Variants in KDM4B observed in about 807,000 individuals in gnomAD.
The protein encoded by KDM4B is lysine demethylase 4B.
KDM4B carries 32 observed loss-of-function variants against 125.2 expected under a neutral mutation model. The observed-to-expected ratio is 0.26, with a 90% CI of 0.19 to 0.34. The LOEUF (loss-of-function observed/expected upper bound fraction) is 0.34, where lower values mean the gene tolerates loss of function less well. Among genes scored for constraint, KDM4B ranks in the 10% least tolerant of loss-of-function variants. KDM4B has a pLI of 1.00. For synonymous variants in KDM4B, 721 were observed against 677.9 expected (o/e 1.06, Z -0.99); for missense variants, 1,190 against 1,577.7 (o/e 0.75, Z 4.16).
At position 5,081,791 on chromosome 19, in the gene KDM4B, C is replaced by T. The variant is rs1319776364; in HGVS notation, c.781-576C>T. On this transcript the variant is annotated intron_variant, in intron 8 of 22. Coordinates refer to ENST00000159111, the MANE Select transcript of KDM4B (RefSeq NM_015015.3). This position sits in a 1 kb window ranked among gnomAD's most constrained non-coding sequence, Gnocchi z 4.2. ...CGGCGTGTCGCAGGCCCCTTCCTGG[C>T]GTGTTTTGCGCGTGCAGTGGTGGTT... Among the ~76,000 whole-genome samples the T allele has an allele frequency of 6.6e-6, 1 of 152,140 alleles. No homozygotes were observed. The highest frequency in any genetic ancestry group is 1.5e-5 in the Non-Finnish European group (1 of 68,020).
intron 5 of KDM4B, among the ~76,000 whole-genome samples, chr19:5,041,688 C>T (rs370467911): frequency 2.0e-5 from 3 of 152,240 alleles, no homozygotes; most frequent in East Asian, 3.8e-4. Context: ...TCTCCCATCC[C>T]GAGCCTGGTC....
At chr19:4,994,020 G>GTTTTTTTTTTTTTTTTTTTT (rs55641886) in intron 1 of KDM4B, among the ~76,000 whole-genome samples, 13 of 66,708 alleles carry the variant, frequency 1.9e-4, no homozygotes, top group Admixed American at 5.2e-4. Context: ...TTTTCAGCCT[G>GTTTTTTTTTTTTTTTTTTTT]TTTTTTTTTT....
intron 1 of KDM4B, among the ~76,000 whole-genome samples, chr19:4,975,972 G>C (rs1156459427): frequency 6.6e-6 from 1 of 151,534 alleles, no homozygotes; most frequent in Non-Finnish European, 1.5e-5. Flanking sequence ...GGGCATGGCC[G>C]GGTGCGGTGG....
chr19:5,052,303 T>TGTGTGTGCATGGGCGC (rs2037253090), intron 6 of KDM4B, among the ~76,000 whole-genome samples: 1 of 144,592 alleles, frequency 6.9e-6, no homozygotes, highest in East Asian at 2.1e-4. Flanking sequence ...CGTGCATGTG[T>TGTGTGTGCATGGGCGC]GTGTGTGCAT....
chr19:5,102,032 C>T (rs572135022), intron 9 of KDM4B, among the ~76,000 whole-genome samples: 12 of 152,272 alleles, frequency 7.9e-5, no homozygotes, highest in Admixed American at 5.9e-4. Flanking sequence ...TCGGGTGCTG[C>T]GGCAGTCCTC....
chr19:5,149,245 C>T (rs999587465), intron 21 of KDM4B, among the ~76,000 whole-genome samples: 2 of 152,242 alleles, frequency 1.3e-5, no homozygotes, highest in African/African-American at 2.4e-5. Flanking sequence ...GACACACTTC[C>T]GCGATGGTCT....
chr19:5,122,672 CTCGCCACCCG>C (rs2039381808), intron 11 of KDM4B, among the ~76,000 whole-genome samples: 1 of 152,236 alleles, frequency 6.6e-6, no homozygotes, highest in African/African-American at 2.4e-5. Flanking sequence ...AGGGAAGACA[CTCGCCACCCG>C]TCACCGACCA....
chr19:5,146,280 C>T (rs1380372179), intron 21 of KDM4B, among the ~76,000 whole-genome samples: 2 of 151,794 alleles, frequency 1.3e-5, no homozygotes, highest in African/African-American at 4.8e-5. Flanking sequence ...CCAGTCACCA[C>T]TCTCGACCTG....
chr19:5,122,538 A>G (rs2039379759), intron 11 of KDM4B, among the ~76,000 whole-genome samples: 1 of 152,270 alleles, frequency 6.6e-6, no homozygotes, highest in Non-Finnish European at 1.5e-5. Context: ...CCCAAGGCTA[A>G]GTGATTGTTT....
At chr19:5,125,876 G>A (rs989134077) in intron 11 of KDM4B, among the ~76,000 whole-genome samples, 16 of 152,122 alleles carry the variant, frequency 1.1e-4, no homozygotes, top group African/African-American at 1.9e-4. Context: ...GGACACAGCC[G>A]TTTTCCCGGG....
chr19:5,138,208 A>G, intron 18 of KDM4B, 138 bp downstream of exon 18: 1 of 639,468 alleles, frequency 1.6e-6, no homozygotes, highest in East Asian at 2.8e-5. Flanking sequence ...AGCTTTCAGG[A>G]AGCCAGTGAT....
intron 10 of KDM4B, chr19:5,119,020 C>T (rs2039308861): frequency 2.9e-6 from 2 of 693,538 alleles, no homozygotes; most frequent in South Asian, 1.7e-5. Flanking sequence ...AGAGAGAGGA[C>T]CCAGGGAGTT....
intron 21 of KDM4B, 149 bp from the exon 22 acceptor site, chr19:5,150,209 G>A: frequency 1.6e-6 from 1 of 612,040 alleles, no homozygotes. Flanking sequence ...TGTCAGAGGT[G>A]GACATGAGCT....
rs755824426 is a variant in KDM4B, at chr19:5,047,550, C to T, written c.507C>T (p.Ile169=). 2.3e-5 allele frequency: 37 copies of T among 1,613,908 alleles called. 1 individual carries two copies. Among genetic ancestry groups the T allele is most frequent in the South Asian group, 2.2e-4 (20 of 91,084 alleles). The part of the protein sequence containing the change: ...DMVERECGTI[I]EGVNTPYLYF... ...TGGAGCGCGAGTGCGGCACCATCAT[C>T]GAGGGCGTGAACACGCCCTACCTGT... The change falls in exon 6 of 23, where the codon ATC becomes ATT. Residue 169 remains isoleucine, a synonymous_variant. Transcript: ENST00000159111.
Position 5,138,118 on chromosome 19 carries a change from C to T in KDM4B, c.2550+48C>T, listed in dbSNP as rs926348889. ...CACCCTGCCCGTGCCTCTAGGGCTG[C>T]CGGCCATGCTCGGCTCCCCACCTGC... On this transcript the variant is annotated intron_variant, in intron 18 of 22. Coordinates refer to ENST00000159111, the MANE Select transcript of KDM4B (RefSeq NM_015015.3). 5.5e-6 allele frequency: 8 copies of T among 1,446,220 alleles called. No homozygotes were observed. The African/African-American group carries it at 8.3e-5, about 15-fold the overall frequency. The allele number at this position is 1,446,220 out of a possible 1,614,324, so 89.6% of individuals were successfully genotyped here.
At position 5,110,156 on chromosome 19, in the gene KDM4B, G is replaced by A. The variant is rs181373078; in HGVS notation, c.919-466G>A. Among the ~76,000 whole-genome samples, 405 of 152,324 alleles carry A rather than the reference G, an allele frequency of 2.7e-3. 5 individuals carry two copies. Among genetic ancestry groups the A allele is most frequent in the African/African-American group, 9.0e-3 (373 of 41,562 alleles). On this transcript the variant is annotated intron_variant, in intron 9 of 22. Transcript: ENST00000159111. ...CAGGGACTCACAACTGGGGGATGCC[G>A]TTTCCTGACTTGTGATAGAAGTTCT...
intron 2 of KDM4B, among the ~76,000 whole-genome samples, 197 bp from the exon 3 acceptor site, chr19:5,032,669 G>A (rs976037332): frequency 1.3e-5 from 2 of 152,178 alleles, no homozygotes; most frequent in Middle Eastern, 3.2e-3. Flanking sequence ...TGCAGCCCTC[G>A]TGCCTTTTAT....
intron 1 of KDM4B, among the ~76,000 whole-genome samples, chr19:4,992,190 C>G (rs1380679552): frequency 2.0e-5 from 3 of 152,056 alleles, no homozygotes; most frequent in African/African-American, 7.2e-5. Flanking sequence ...CAAAATGTCA[C>G]GAAGACATTT....
intron 9 of KDM4B, among the ~76,000 whole-genome samples, chr19:5,105,022 C>T (rs1310217145): frequency 1.3e-5 from 2 of 152,230 alleles, no homozygotes; most frequent in African/African-American, 4.8e-5. Context: ...CCCCTGGGCT[C>T]CGTCCGGGCA....
Sources: gnomAD v4.1 joint callset for allele counts (sites outside exome capture counted in the v4.1 genomes callset) on GRCh38, gnomAD v4.1.1 for gene constraint, Gnocchi (gnomAD v3.1) non-coding constraint, MANE v1.5 for transcripts, NCBI Gene and HGNC (gene_info 2026-07-23, HGNC 2026-07-21) for gene names.